COL28A1: variants seen among roughly 807,000 people sequenced by gnomAD.
COL28A1 encodes the protein collagen alpha-1(XXVIII) chain.
Under a neutral mutation model 150.2 loss-of-function variants are expected in COL28A1, and 161 were observed. The observed-to-expected ratio is 1.07, with a 90% CI of 0.94 to 1.22. COL28A1 has a LOEUF of 1.22. COL28A1 is among the 50% of genes most tolerant of loss of function. COL28A1 has a pLI of 0.00. For synonymous variants in COL28A1, 552 were observed against 469.7 expected, an observed-to-expected ratio of 1.18 and a Z score of -2.26; for missense variants, 1,617 against 1,388.3, an observed-to-expected ratio of 1.16 and a Z score of -2.62.
chr7:7,355,340 ACACAGTGGCT>A (rs1212729246), downstream of COL28A1, among the ~76,000 whole-genome samples: 2 of 152,130 alleles, frequency 1.3e-5, no homozygotes, highest in Non-Finnish European at 2.9e-5. Context: ...TACTGGCCAG[ACACAGTGGCT>A]CACACCCCAA....
intron 32 of COL28A1, among the ~76,000 whole-genome samples, chr7:7,371,904 C>T (rs1306720509): frequency 1.3e-5 from 2 of 152,070 alleles, no homozygotes; most frequent in East Asian, 3.9e-4. Context: ...ACAATCTCGG[C>T]TCACTGTAAC....
At chr7:7,465,242 T>C (rs923861939) in intron 15 of COL28A1, among the ~76,000 whole-genome samples, 7 of 145,832 alleles carry the variant, frequency 4.8e-5, no homozygotes, top group African/African-American at 1.5e-4. Context: ...CCGGCCAGTG[T>C]GTGTGCGCAC....
At chr7:7,449,174 T>A (rs917271671) in intron 18 of COL28A1, among the ~76,000 whole-genome samples, 1 of 152,056 alleles carries the variant, frequency 6.6e-6, no homozygotes, top group Non-Finnish European at 1.5e-5. Flanking sequence ...AATAAAAGAT[T>A]AGTCAGTTGA....
rs1562512522 is a variant in COL28A1 at position 7,383,290 on chromosome 7, T to TGTGTG, written c.2137-1679_2137-1678insCACAC. 4.4e-3 allele frequency among the ~76,000 whole-genome samples: 542 copies of TGTGTG among 122,604 alleles called. 4 individuals carry two copies. Among genetic ancestry groups the TGTGTG allele is most frequent in the East Asian group, 0.021 (89 of 4,146 alleles). 80.4% of individuals were successfully genotyped at this position (122,604 alleles called of 152,430 possible). On this transcript the variant is annotated intron_variant, in intron 27 of 34. Coordinates refer to ENST00000399429, the MANE Select transcript of COL28A1 (RefSeq NM_001037763.3). ...TGTGTGTGTGTGTGTGTGTGTGTGT[T>TGTGTG]TTTTTTGAGACAGAGTCTCACTCTG... is the stretch of plus-strand genomic sequence containing the variant.
the COL28A1 span, among the ~76,000 whole-genome samples, chr7:7,339,400 C>T: frequency 6.6e-6 from 1 of 152,128 alleles, no homozygotes; most frequent in Non-Finnish European, 1.5e-5. Context: ...TAAGTAGACA[C>T]TTTTGATATA....
At chr7:7,390,215 T>G (rs1782451975) in intron 27 of COL28A1, among the ~76,000 whole-genome samples, 1 of 152,206 alleles carries the variant, frequency 6.6e-6, no homozygotes, top group Non-Finnish European at 1.5e-5. Flanking sequence ...ATGTTGAATT[T>G]TGTCAAAGGC....
intron 27 of COL28A1, among the ~76,000 whole-genome samples, chr7:7,412,677 G>A (rs1783855738): frequency 6.6e-6 from 1 of 151,984 alleles, no homozygotes; most frequent in African/African-American, 2.4e-5. Flanking sequence ...CCATTACTCA[G>A]ATATGGAAAC....
upstream of COL28A1, among the ~76,000 whole-genome samples, chr7:7,536,683 A>C (rs1782652059): frequency 6.6e-6 from 1 of 152,216 alleles, no homozygotes; most frequent in Admixed American, 6.5e-5. Context: ...AGAGAATAGC[A>C]AGATCATCCG....
intron 6 of COL28A1, among the ~76,000 whole-genome samples, chr7:7,519,458 GC>G (rs1225137088): frequency 6.6e-6 from 1 of 151,984 alleles, no homozygotes; most frequent in Non-Finnish European, 1.5e-5. Flanking sequence ...ACAGAATTTT[GC>G]CTTAAATTTT....
chr7:7,388,041 T>C (rs113570556), intron 27 of COL28A1, among the ~76,000 whole-genome samples: 3 of 152,084 alleles, frequency 2.0e-5, no homozygotes, highest in African/African-American at 7.2e-5. Context: ...TAAATTATAA[T>C]TTCTGGGGTA....
At chr7:7,389,814 A>G (rs979869007) in intron 27 of COL28A1, among the ~76,000 whole-genome samples, 1 of 152,198 alleles carries the variant, frequency 6.6e-6, no homozygotes, top group Admixed American at 6.5e-5. Flanking sequence ...ATTGGTGTAT[A>G]AGAATGCTTG....
At chr7:7,385,434 A>C (rs1330720709) in intron 27 of COL28A1, among the ~76,000 whole-genome samples, 2 of 152,186 alleles carry the variant, frequency 1.3e-5, no homozygotes, top group East Asian at 3.9e-4. Flanking sequence ...AGAGGAGCTG[A>C]GACTGTGGTG....
In COL28A1 at chr7:7,452,663, G is replaced by C. The variant is rs186570056; in HGVS notation, c.1441-276C>G. 1.1e-4 allele frequency among the ~76,000 whole-genome samples: 16 copies of C among 152,240 alleles called. No individual in the cohort carries two copies. In the East Asian group the frequency reaches 2.7e-3, roughly 26 times the overall value. On this transcript the variant is annotated intron_variant, in intron 17 of 34. Coordinates refer to ENST00000399429, the MANE Select transcript of COL28A1 (RefSeq NM_001037763.3). ...TGATTTTAAGGAGCCCCTTGTGGAG[G>C]GTATCTGGAAAAGATAGGCAGTTGC...
rs1246991067 is a variant in COL28A1 at position 7,531,471 on chromosome 7, G to A, written c.558C>T (p.Ile186=). 1.3e-6 allele frequency: 2 copies of A among 1,599,506 alleles called. No individual in the cohort carries two copies. The highest frequency in any genetic ancestry group is 1.7e-5 in the Admixed American group (1 of 59,948). Residue 186 remains isoleucine, a synonymous_variant, in exon 3 of 35, where the codon ATC becomes ATT. Transcript: ENST00000399429. ...TGACTACCGTAGAAAGTGCAATGGT[G>A]ATAAATGATATTCCTGAAATTCTGG... ...EDARISGISF[I]TIALSTVVNE...
chr7:7,387,165 T>C (rs1411066227), intron 27 of COL28A1, among the ~76,000 whole-genome samples: 1 of 152,142 alleles, frequency 6.6e-6, no homozygotes, highest in Non-Finnish European at 1.5e-5. Flanking sequence ...TTCTGTTTCC[T>C]TTTGAAGGAA....
chr7:7,536,870 C>G (rs1045697984), upstream of COL28A1, among the ~76,000 whole-genome samples: 5 of 152,184 alleles, frequency 3.3e-5, no homozygotes, highest in African/African-American at 1.2e-4. Context: ...CCTTCACAAG[C>G]ACAACCACCT....
chr7:7,375,470 C>T lies in COL28A1; in HGVS notation c.2350G>A (p.Glu784Lys). 6.4e-7 allele frequency: 1 copy of T among 1,573,030 alleles called. No individual in the cohort carries two copies. Among genetic ancestry groups the T allele is most frequent in the Non-Finnish European group, 8.7e-7 (1 of 1,149,772 alleles). ...CTTGATCAAATCTTACCACATATTTCTGTAATAAGTTTGATAATTTCTTCT... is the reference window on the plus strand; with the variant it reads ...CTTGATCAAATCTTACCACATATTTTTGTAATAAGTTTGATAATTTCTTCT... Reference protein sequence around the residue: ...TKEEIIKLITEICGCGPKCKE... With the variant: ...TKEEIIKLITKICGCGPKCKE... The change falls in exon 31 of 35, where the codon GAA becomes AAA. Residue 784 changes from glutamate (E) to lysine (K), a missense_variant. Glu to Lys is a moderately conservative substitution (Grantham distance 56, BLOSUM62 1). Coordinates refer to ENST00000399429, the MANE Select transcript of COL28A1 (RefSeq NM_001037763.3).
chr7:7,500,302 A>T (rs538169138), intron 11 of COL28A1, among the ~76,000 whole-genome samples: 1 of 152,306 alleles, frequency 6.6e-6, no homozygotes, highest in South Asian at 2.1e-4. Flanking sequence ...ATGCCATTTA[A>T]AACCTTTTAT....
rs188486133 is a variant in COL28A1 at position 7,449,409 on chromosome 7, C to T, written c.1509+2910G>A. ...CCAAAAAAGAAGGAAGCTTCCTTAA[C>T]CTAATGAAGGGTATCTATCAAAAAC... On this transcript the variant is annotated intron_variant, in intron 18 of 34. Transcript: ENST00000399429. Among the ~76,000 whole-genome samples, 3 of 152,024 alleles carry T rather than the reference C, an allele frequency of 2.0e-5. No individual in the cohort carries two copies. The East Asian group carries it at 5.8e-4, about 29-fold the overall frequency.
Sources: allele counts gnomAD v4.1 joint callset (sites outside exome capture counted in the v4.1 genomes callset), GRCh38; gene constraint gnomAD v4.1.1; transcripts MANE v1.5; gene names NCBI Gene and HGNC (gene_info 2026-07-23, HGNC 2026-07-21).